Variants in ANK3 observed in about 807,000 individuals in gnomAD.
The protein encoded by ANK3 is ankyrin-3.
In ANK3, 57 loss-of-function variants were observed where a neutral mutation model predicts 370.9. The observed-to-expected ratio is 0.15, with a 90% CI of 0.12 to 0.19. The LOEUF (loss-of-function observed/expected upper bound fraction) is 0.19, where lower values mean the gene tolerates loss of function less well. Among genes scored for constraint, ANK3 ranks in the 10% least tolerant of loss-of-function variants. The probability of loss-of-function intolerance (pLI) is 1.00; values close to 1 mark genes in which losing one functional copy is unlikely to be tolerated. For missense variants in ANK3, 4,439 were observed against 5,302.1 expected (o/e 0.84, Z 5.06); for synonymous variants, 1,929 against 1,946.3 (o/e 0.99, Z 0.23).
At chr10:60,237,311 T>C (rs2097348982) in intron 7 of ANK3, among the ~76,000 whole-genome samples, 1 of 152,104 alleles carries the variant, frequency 6.6e-6, no homozygotes. Flanking sequence ...AGGGTCAGGT[T>C]GGGAATAAAG....
At chr10:60,198,261 G>A (rs1249288700) in intron 14 of ANK3, 79 bp downstream of exon 14, 2 of 1,414,384 alleles carry the variant, frequency 1.4e-6, no homozygotes, top group Non-Finnish European at 2.0e-6. Flanking sequence ...TGCAGCTTCT[G>A]GACCTGTTAC....
At chr10:60,227,115 CT>C (rs1260425522) in intron 8 of ANK3, among the ~76,000 whole-genome samples, 1 of 151,738 alleles carries the variant, frequency 6.6e-6, no homozygotes, top group African/African-American at 2.4e-5. Flanking sequence ...TCAGCTTTCG[CT>C]TGTATGAAAC....
In ANK3 at chr10:60,055,752, A is replaced by G; in HGVS notation, c.12971T>C (p.Val4324Ala). 6.2e-7 allele frequency: 1 copy of G among 1,614,134 alleles called. No homozygotes were observed. Among genetic ancestry groups the G allele is most frequent in the Non-Finnish European group, 8.5e-7 (1 of 1,180,020 alleles). The change falls in exon 42 of 44, where the codon GTC becomes GCC. Residue 4324 changes from valine to alanine, a missense_variant. Physicochemically the swap from Val to Ala is moderately conservative, Grantham distance 64. Transcript: ENST00000280772. ...IIEETKPCVP[V>A]SMKKMSRTSP... Reference sequence around the variant, plus strand: ...AGTCCTACTCATCTTTTTCATACTGACAGGCACACAGGGTTTAGTCTCTTC... The same window carrying G: ...AGTCCTACTCATCTTTTTCATACTGGCAGGCACACAGGGTTTAGTCTCTTC...
At chr10:60,253,610 CA>C (rs944618725) in intron 7 of ANK3, among the ~76,000 whole-genome samples, 3 of 152,190 alleles carry the variant, frequency 2.0e-5, no homozygotes, top group Admixed American at 1.3e-4. Flanking sequence ...TGTCACCTTA[CA>C]AAAACTTACT....
chr10:60,125,106 T>C (rs2093689732), intron 25 of ANK3, among the ~76,000 whole-genome samples: 2 of 152,164 alleles, frequency 1.3e-5, no homozygotes, highest in Admixed American at 1.3e-4. Context: ...CTGACACAAG[T>C]AGTAAAATAA....
chr10:60,567,440 C>G (rs2133259884), intron 2 of ANK3, among the ~76,000 whole-genome samples: 1 of 152,200 alleles, frequency 6.6e-6, no homozygotes. Context: ...TTTAAGCCTA[C>G]TGTTGAGACC....
chr10:60,332,872 G>A (rs1241586004), intron 1 of ANK3, among the ~76,000 whole-genome samples: 2 of 152,078 alleles, frequency 1.3e-5, no homozygotes, highest in Non-Finnish European at 2.9e-5. Flanking sequence ...GTGGTTACAA[G>A]ACAAAAATAA....
intron 7 of ANK3, among the ~76,000 whole-genome samples, chr10:60,250,583 T>G (rs541497597): frequency 3.2e-4 from 49 of 152,270 alleles, no homozygotes; most frequent in Middle Eastern, 3.4e-3. Flanking sequence ...GCCAGGATGG[T>G]CTCGATCTCC....
Position 60,068,985 on chromosome 10 carries a change from C to T in ANK3, c.11896G>A (p.Ala3966Thr), listed in dbSNP as rs1554858727. ...GTGGTGGTAGTGGTGGTGGTGGTGG[C>T]AGTGGTGGTGGTGGTAGTGACACAG... The part of the protein sequence containing the change: ...STCVTTTTTT[A>T]TTTTTTTTTT... Residue 3966 changes from alanine to threonine, a missense_variant, in exon 37 of 44, where the codon GCC (alanine) becomes ACC (threonine). Ala to Thr is a moderately conservative substitution (Grantham distance 58, BLOSUM62 0). Around this residue, in one of 13 missense-constraint regions of ANK3, gnomAD observed 496 missense variants for 529.3 expected, o/e 0.94. Coordinates refer to ENST00000280772, the MANE Select transcript of ANK3 (RefSeq NM_020987.5). The T allele has an allele frequency of 6.8e-6, 11 of 1,613,098 alleles. No homozygotes were observed. The South Asian group carries it at 1.1e-4, about 16-fold the overall frequency.
chr10:60,284,767 G>C (rs972112806), intron 1 of ANK3, among the ~76,000 whole-genome samples: 2 of 151,790 alleles, frequency 1.3e-5, no homozygotes, highest in Non-Finnish European at 2.9e-5. Flanking sequence ...ACATAACATA[G>C]CTCTGCTCCT....
intron 2 of ANK3, among the ~76,000 whole-genome samples, chr10:60,418,061 C>G (rs2063704318): frequency 6.6e-6 from 1 of 152,122 alleles, no homozygotes; most frequent in Non-Finnish European, 1.5e-5. Flanking sequence ...ATTTTTTGAT[C>G]TGTTCCTTCT....
intron 28 of ANK3, among the ~76,000 whole-genome samples, chr10:60,099,241 T>C (rs2090734817): frequency 6.7e-6 from 1 of 150,118 alleles, no homozygotes; most frequent in East Asian, 2.0e-4. Context: ...TGAGAAAAAG[T>C]GTCACCAGCA....
intron 1 of ANK3, among the ~76,000 whole-genome samples, chr10:60,324,023 T>C (rs79199853): frequency 0.025 from 3,781 of 152,080 alleles, 143 homozygotes; most frequent in African/African-American, 0.083. Flanking sequence ...AAGCAATGAA[T>C]GTGAGCAACT....
chr10:60,178,919 G>T (rs1011085389), intron 18 of ANK3, among the ~76,000 whole-genome samples: 1 of 152,084 alleles, frequency 6.6e-6, no homozygotes, highest in Admixed American at 6.6e-5. Context: ...AATGCAAAAG[G>T]GGGGTGGGGT....
At chr10:60,518,658 C>T (rs2076279648) in intron 2 of ANK3, among the ~76,000 whole-genome samples, 1 of 152,138 alleles carries the variant, frequency 6.6e-6, no homozygotes. Flanking sequence ...CCCTCCCTTC[C>T]AACTCCCAAT....
intron 2 of ANK3, among the ~76,000 whole-genome samples, chr10:60,494,297 A>G (rs1280833518): frequency 6.6e-6 from 1 of 152,210 alleles, no homozygotes; most frequent in African/African-American, 2.4e-5. Flanking sequence ...GGAAATGGGA[A>G]AAGTGTGCTT....
chr10:60,612,329 G>A (rs1301455093), intron 2 of ANK3, among the ~76,000 whole-genome samples: 3 of 152,106 alleles, frequency 2.0e-5, no homozygotes, highest in Non-Finnish European at 2.9e-5. Context: ...AAAGCACTGA[G>A]GCAGATGAGT....
intron 8 of ANK3, among the ~76,000 whole-genome samples, chr10:60,224,238 AT>A (rs1302224929): frequency 2.0e-5 from 3 of 152,102 alleles, no homozygotes; most frequent in Non-Finnish European, 4.4e-5. Context: ...GGTTAGTAAT[AT>A]TTTCCAATTC....
intron 38 of ANK3, 81 bp from the exon 39 acceptor site, chr10:60,064,369 C>CA: frequency 1.9e-4 from 259 of 1,388,824 alleles, no homozygotes; most frequent in Non-Finnish European, 2.4e-4. Context: ...TCAATTGCCA[C>CA]AAAAAGAAAA....
Sources: allele counts gnomAD v4.1 joint callset (sites outside exome capture counted in the v4.1 genomes callset), GRCh38; gene constraint gnomAD v4.1.1; regional missense constraint gnomAD v4.1.1; transcripts MANE v1.5; gene names NCBI Gene and HGNC (gene_info 2026-07-23, HGNC 2026-07-21).